Variants in PTPN9 observed in about 807,000 individuals in gnomAD.
PTPN9 encodes tyrosine-protein phosphatase non-receptor type 9.
PTPN9 carries 26 observed loss-of-function variants against 69.8 expected under a neutral mutation model. The observed-to-expected ratio is 0.37, with a 90% CI of 0.27 to 0.52. The LOEUF (loss-of-function observed/expected upper bound fraction) is 0.52, where lower values mean the gene tolerates loss of function less well. Ranked by LOEUF, PTPN9 falls within the 20% of genes least tolerant of loss-of-function variation. PTPN9 has a pLI of 0.91. For missense variants in PTPN9, 549 were observed against 740.3 expected, an observed-to-expected ratio of 0.74 and a Z score of 3.00; for synonymous variants, 274 against 272.5, an observed-to-expected ratio of 1.01 and a Z score of -0.05.
At chr15:75,498,760 C>CT (rs1381782827) in intron 7 of PTPN9, among the ~76,000 whole-genome samples, 5 of 152,012 alleles carry the variant, frequency 3.3e-5, no homozygotes. Flanking sequence ...GCTTCTCAGT[C>CT]TTTTGGCTAA....
chr15:75,494,427 A>G (rs934035545), intron 7 of PTPN9, among the ~76,000 whole-genome samples: 3 of 151,938 alleles, frequency 2.0e-5, no homozygotes, highest in African/African-American at 7.2e-5. Context: ...ATCTTGGCTC[A>G]CTGCAACCTC....
chr15:75,505,471 TA>T lies in PTPN9; in HGVS notation c.968+203del, dbSNP rs904911485. ...ATGATCAATAAAAAAAATAAAAATT[TA>T]AAAAAAAAAGAAAAAAAAAAAGAAG... On this transcript the variant is annotated intron_variant, in intron 7 of 12. Coordinates refer to ENST00000618819, the MANE Select transcript of PTPN9 (RefSeq NM_002833.4). Among the ~76,000 whole-genome samples the T allele has an allele frequency of 8.5e-3, 1,174 of 137,812 alleles. 19 individuals are homozygous for T. Among genetic ancestry groups the T allele is most frequent in the African/African-American group, 0.03 (1,108 of 37,272 alleles). 90.4% of individuals were successfully genotyped at this position (137,812 alleles called of 152,430 possible).
intron 4 of PTPN9, among the ~76,000 whole-genome samples, chr15:75,522,681 A>C (rs2074910632): frequency 6.6e-6 from 1 of 152,146 alleles, no homozygotes; most frequent in African/African-American, 2.4e-5. Flanking sequence ...CTGGGATTAC[A>C]GGTGTGAGCC....
At chr15:75,574,107 T>G (rs987959453) in intron 1 of PTPN9, among the ~76,000 whole-genome samples, 2 of 152,046 alleles carry the variant, frequency 1.3e-5, no homozygotes, top group African/African-American at 4.8e-5. Flanking sequence ...AGGGCCTAGA[T>G]ATATAGCCTA....
At chr15:75,525,994 TTC>T (rs1362504519) in intron 2 of PTPN9, among the ~76,000 whole-genome samples, 6 of 151,912 alleles carry the variant, frequency 3.9e-5, no homozygotes, top group Non-Finnish European at 7.4e-5. Context: ...TTTGTTTATT[TTC>T]TCTTTCTTTT....
At chr15:75,506,310 C>T (rs1209181103) in intron 6 of PTPN9, among the ~76,000 whole-genome samples, 1 of 152,088 alleles carries the variant, frequency 6.6e-6, no homozygotes, top group Non-Finnish European at 1.5e-5. Context: ...ACAAGGCTTC[C>T]CAGCATCGCT....
In PTPN9 at chr15:75,465,628, TAGG is replaced by T. The variant is rs1274608138; in HGVS notation, c.*3138_*3140del. ...GAGACATCAATTTGTTAACTCTCTA[TAGG>T]GTCAGAAACATGAACTAAATCTATG... is the stretch of plus-strand genomic sequence containing the variant. On this transcript the variant is annotated 3_prime_UTR_variant, in exon 13 of 13. Coordinates refer to ENST00000618819, the MANE Select transcript of PTPN9 (RefSeq NM_002833.4). 7.9e-5 allele frequency: 12 copies of T among 152,318 alleles called. No individual in the cohort carries two copies. The highest frequency in any genetic ancestry group is 2.9e-4 in the African/African-American group (12 of 41,560). 9.4% of individuals were successfully genotyped at this position (152,318 alleles called of 1,614,324 possible).
At chr15:75,539,748 T>G (rs914142566) in intron 1 of PTPN9, among the ~76,000 whole-genome samples, 3 of 151,752 alleles carry the variant, frequency 2.0e-5, no homozygotes, top group African/African-American at 7.3e-5. Flanking sequence ...CTCGGCTCAC[T>G]GCAACCTTGG....
At chr15:75,544,441 G>C (rs562456458) in intron 1 of PTPN9, among the ~76,000 whole-genome samples, 1 of 152,236 alleles carries the variant, frequency 6.6e-6, no homozygotes, top group South Asian at 2.1e-4. Context: ...GAAGGGGGAG[G>C]ATCACTTGAG....
chr15:75,545,305 C>A (rs746142768), intron 1 of PTPN9, among the ~76,000 whole-genome samples: 23 of 152,122 alleles, frequency 1.5e-4, no homozygotes, highest in Non-Finnish European at 1.5e-5. Context: ...TGGTGGTTCA[C>A]ACTTGTAATC....
chr15:75,566,756 A>G (rs1171049917), intron 1 of PTPN9, among the ~76,000 whole-genome samples: 3 of 152,016 alleles, frequency 2.0e-5, no homozygotes, highest in Admixed American at 6.6e-5. Flanking sequence ...GGGAGGCTGA[A>G]GCGGAAGGAT....
chr15:75,578,804 A>G lies in PTPN9; in HGVS notation c.-28T>C. ...CCCCGCCACCGCCGCCGGGCGGACAAAACTCGCTCGCGAGCGCGGGAGCCC... is the reference window on the plus strand; with the variant it reads ...CCCCGCCACCGCCGCCGGGCGGACAGAACTCGCTCGCGAGCGCGGGAGCCC... On this transcript the variant is annotated 5_prime_UTR_variant, in exon 1 of 13. Transcript: ENST00000618819. 1.6e-6 allele frequency: 2 copies of G among 1,216,454 alleles called. No homozygotes were observed. Among genetic ancestry groups the G allele is most frequent in the Non-Finnish European group, 2.0e-6 (2 of 977,554 alleles). The allele number at this position is 1,216,454 out of a possible 1,614,324, so 75.4% of individuals were successfully genotyped here. A position where few individuals can be genotyped will look rare whatever the true frequency, so the allele number is the denominator to read the frequency against.
chr15:75,539,318 T>C (rs953633617), intron 1 of PTPN9, among the ~76,000 whole-genome samples: 2 of 103,360 alleles, frequency 1.9e-5, no homozygotes, highest in Non-Finnish European at 5.4e-5. Flanking sequence ...TTAGAAGATT[T>C]TTTTTTTTTT....
intron 8 of PTPN9, among the ~76,000 whole-genome samples, chr15:75,487,081 G>A (rs1002734496): frequency 2.6e-5 from 4 of 151,882 alleles, no homozygotes; most frequent in East Asian, 3.9e-4. Flanking sequence ...CACCGTGCCC[G>A]GCAAAGTAAT....
Position 75,505,928 on chromosome 15 carries a change from C to A in PTPN9, c.715G>T (p.Val239Phe). 2.5e-6 allele frequency: 4 copies of A among 1,613,960 alleles called. No individual in the cohort carries two copies. Among genetic ancestry groups the A allele is most frequent in the Non-Finnish European group, 3.4e-6 (4 of 1,179,908 alleles). The change falls in exon 7 of 13, where the codon GTC (valine) becomes TTC (phenylalanine). Residue 239 changes from valine to phenylalanine, a missense_variant. Around this residue, in one of 3 missense-constraint regions of PTPN9, gnomAD observed 457 missense variants for 661.9 expected, o/e 0.69. Coordinates refer to ENST00000618819, the MANE Select transcript of PTPN9 (RefSeq NM_002833.4). Reference sequence around the variant, plus strand: ...TTCCAAGTGGCGAGATCAATTTTGACGTACCCACCCAGGTTTTCTGGAAGA... The same window carrying A: ...TTCCAAGTGGCGAGATCAATTTTGAAGTACCCACCCAGGTTTTCTGGAAGA... ...ECLPENLGGYVKIDLATWNFQ... is the reference protein window; with the variant it reads ...ECLPENLGGYFKIDLATWNFQ...
intron 1 of PTPN9, among the ~76,000 whole-genome samples, chr15:75,540,173 G>C (rs1221911422): frequency 2.0e-5 from 3 of 152,156 alleles, no homozygotes; most frequent in Non-Finnish European, 4.4e-5. Flanking sequence ...TTTTACAAAA[G>C]TTTAGTCCAT....
At chr15:75,511,451 G>T (rs914691580) in intron 5 of PTPN9, among the ~76,000 whole-genome samples, 3 of 152,082 alleles carry the variant, frequency 2.0e-5, no homozygotes, top group Non-Finnish European at 2.9e-5. Flanking sequence ...TCATCGTGTT[G>T]CCCAGGCTGG....
intron 7 of PTPN9, among the ~76,000 whole-genome samples, chr15:75,495,146 A>G (rs2074732617): frequency 6.6e-6 from 1 of 152,204 alleles, no homozygotes; most frequent in African/African-American, 2.4e-5. Context: ...TTTCTAACCT[A>G]GAGTTCTATA....
In PTPN9 at chr15:75,467,326, CT is replaced by C. The variant is rs559247133; in HGVS notation, c.*1442del. ...TATTGAGGTCTGATCAGCTGCCAAC[CT>C]CATCTTCTGTCACAGGGGAAGGTTT... On this transcript the variant is annotated 3_prime_UTR_variant, in exon 13 of 13. Coordinates refer to ENST00000618819, the MANE Select transcript of PTPN9 (RefSeq NM_002833.4). 72 of 152,648 alleles carry C rather than the reference CT, an allele frequency of 4.7e-4. 1 individual carries two copies. The highest frequency in any genetic ancestry group is 1.7e-3 in the African/African-American group (69 of 41,524). The allele number at this position is 152,648 out of a possible 1,614,324, so 9.5% of individuals were successfully genotyped here. A position where few individuals can be genotyped will look rare whatever the true frequency, so the allele number is the denominator to read the frequency against.
Sources: allele counts gnomAD v4.1 joint callset (sites outside exome capture counted in the v4.1 genomes callset), GRCh38; gene constraint gnomAD v4.1.1; regional missense constraint gnomAD v4.1.1; transcripts MANE v1.5; gene names NCBI Gene and HGNC (gene_info 2026-07-23, HGNC 2026-07-21).